Variants in TBRG4 observed in about 807,000 individuals in gnomAD.
The protein encoded by TBRG4 is FAST kinase domain-containing protein 4.
TBRG4 carries 43 observed loss-of-function variants against 65.6 expected under a neutral mutation model. That is an observed-to-expected ratio of 0.66 (90% CI 0.51 to 0.85). The LOEUF is 0.85. Ranked by LOEUF, TBRG4 falls within the 40% of genes least tolerant of loss-of-function variation. The probability of loss-of-function intolerance (pLI) is 0.00; values close to 1 mark genes in which losing one functional copy is unlikely to be tolerated. For missense variants in TBRG4, 709 were observed against 787.9 expected (o/e 0.90, Z 1.20); for synonymous variants, 366 against 341.4 (o/e 1.07, Z -0.79).
chr7:45,104,213 G>A lies in TBRG4; in HGVS notation c.951C>T (p.Ala317=). The change falls in exon 5 of 11, where the codon GCC becomes GCT. Residue 317 remains alanine, a synonymous_variant. Coordinates refer to ENST00000258770, the MANE Select transcript of TBRG4 (RefSeq NM_004749.4). The part of the protein sequence containing the change: ...FHQTQVSQRL[A]TDLLSLMPSL... ...TGGGCATGAGGGATAGCAGGTCGGT[G>A]GCCAGGCGCTGGGACACCTGGGTCT... 1 of 1,614,156 alleles carries A rather than the reference G, an allele frequency of 6.2e-7. No individual in the cohort carries two copies. The highest frequency in any genetic ancestry group is 8.5e-7 in the Non-Finnish European group (1 of 1,180,038).
In TBRG4 at chr7:45,102,028, A is replaced by T; in HGVS notation, c.1364T>A (p.Leu455His). The change falls in exon 8 of 11, where the codon CTC becomes CAC. Residue 455 changes from leucine (L) to histidine (H), a missense_variant. Coordinates refer to ENST00000258770, the MANE Select transcript of TBRG4 (RefSeq NM_004749.4). ...QKDQNTFQKL[L>H]HINATALLEY... The stretch of plus-strand genomic sequence containing the variant: ...CAGCAGGGCAGTGGCGTTGATGTGG[A>T]GCAGCTTCTGGAAGGTGTTCTGATC... The T allele has an allele frequency of 6.4e-7, 1 of 1,565,682 alleles. No homozygotes were observed. Among genetic ancestry groups the T allele is most frequent in the Non-Finnish European group, 8.6e-7 (1 of 1,161,242 alleles).
rs773252475 is a variant in TBRG4, at chr7:45,101,309, G to C, written c.1743C>G (p.Arg581=). Residue 581 remains arginine, a synonymous_variant, in exon 10 of 11, where the codon CGC becomes CGG. Coordinates refer to ENST00000258770, the MANE Select transcript of TBRG4 (RefSeq NM_004749.4). ...CTATGTGTCGCCGGGCCAGAACAAAGCGACCCAGCAAGTCCTTGCTTCGGC... is the reference window on the plus strand; with the variant it reads ...CTATGTGTCGCCGGGCCAGAACAAACCGACCCAGCAAGTCCTTGCTTCGGC... The part of the protein sequence containing the change: ...FNSRSKDLLG[R]FVLARRHIVA... 1 of 1,614,020 alleles carries C rather than the reference G, an allele frequency of 6.2e-7. No homozygotes were observed. The highest frequency in any genetic ancestry group is 2.2e-5 in the East Asian group (1 of 44,892).
At chr7:45,107,476 C>A (rs1055557762) in intron 2 of TBRG4, 1 of 152,208 alleles carries the variant, frequency 6.6e-6, no homozygotes, top group African/African-American at 2.4e-5. Context: ...ACAAGTATGG[C>A]TCTGTCCTTT....
Position 45,101,934 on chromosome 7 carries a change from G to A in TBRG4, c.1458C>T (p.Asp486=), listed in dbSNP as rs574834497. 5.6e-6 allele frequency: 9 copies of A among 1,609,004 alleles called. No homozygotes were observed. In the African/African-American group the frequency reaches 1.2e-4, roughly 22 times the overall value. Residue 486 remains aspartate (D), a synonymous_variant, in exon 8 of 11, where the codon GAC becomes GAT. Coordinates refer to ENST00000258770, the MANE Select transcript of TBRG4 (RefSeq NM_004749.4). ...CCTTTTGCAGGGGGGTCACCTTCCT[G>A]TCAAGGGCTGAGGGCCCAGGGGCCA... ...SAVAPGPSAL[D]RKVTPLQKEL... is the part of the protein sequence containing the mutation.
chr7:45,107,104 C>A (rs1477039278), intron 2 of TBRG4: 2 of 152,084 alleles, frequency 1.3e-5, no homozygotes, highest in Non-Finnish European at 2.9e-5. Flanking sequence ...CTAAGCCCTG[C>A]CCACTCCCAA....
Position 45,100,439 on chromosome 7 carries a change from AG to A in TBRG4, c.1795-14del. The A allele has an allele frequency of 6.2e-7, 1 of 1,606,824 alleles. No homozygotes were observed. The highest frequency in any genetic ancestry group is 1.3e-5 in the African/African-American group (1 of 74,884). On this transcript the variant is annotated splice_polypyrimidine_tract_variant and intron_variant, in intron 10 of 10. Transcript: ENST00000258770. ...CATAGAATGGGACCTAGAAGGAGGC[AG>A]GGGAGACAGGTCACATGGGCAAGGA...
rs778788135 is a variant in TBRG4, at chr7:45,105,472, G to A, written c.704C>T (p.Ser235Leu). 3 of 1,611,876 alleles carry A rather than the reference G, an allele frequency of 1.9e-6. No homozygotes were observed. Among genetic ancestry groups the A allele is most frequent in the African/African-American group, 1.3e-5 (1 of 75,036 alleles). ...TTCCAGGCGGTTCATTAGTGGCTCCGAGAGGTGTCCCACCTTCATCATGAC... is the reference window on the plus strand; with the variant it reads ...TTCCAGGCGGTTCATTAGTGGCTCCAAGAGGTGTCCCACCTTCATCATGAC... Reference protein sequence around the residue: ...VTVMMKVGHLSEPLMNRLEDK... With the variant: ...VTVMMKVGHLLEPLMNRLEDK... Residue 235 changes from serine to leucine, a missense_variant, in exon 3 of 11, where the codon TCG becomes TTG. Ser to Leu is a moderately radical substitution (Grantham distance 145). Coordinates refer to ENST00000258770, the MANE Select transcript of TBRG4 (RefSeq NM_004749.4).
At chr7:45,105,920 T>G in intron 2 of TBRG4, 156 bp from the exon 3 acceptor site, 2 of 977,286 alleles carry the variant, frequency 2.0e-6, no homozygotes, top group Non-Finnish European at 3.2e-6. Flanking sequence ...AGGGCCCCAG[T>G]GCCTGGCTGC....
In TBRG4 at chr7:45,108,590, A is replaced by G. The variant is rs1584034601; in HGVS notation, c.411+237T>C. ...CAGGCTCACTTCCCATGCTTCTATC[A>G]CTATGCGTCTTGGCTGTCTGTAAGA... On this transcript the variant is annotated intron_variant, in intron 2 of 10. Transcript: ENST00000258770. 2.0e-5 allele frequency among the ~76,000 whole-genome samples: 3 copies of G among 152,380 alleles called. No homozygotes were observed. The East Asian group carries it at 5.8e-4, about 29-fold the overall frequency.
At chr7:45,103,494 C>G (rs539378494) in intron 5 of TBRG4, 51 bp from the exon 6 acceptor site, 436,312 of 1,451,358 alleles carry the variant, frequency 0.3, 72,144 homozygotes, top group African/African-American at 0.65. Context: ...CTGCCCAGCA[C>G]GCTGTCCTCC....
At position 45,104,526 on chromosome 7, in the gene TBRG4, C is replaced by G. The variant is rs930501683; in HGVS notation, c.907+12G>C. On this transcript the variant is annotated intron_variant, in intron 4 of 10. Coordinates refer to ENST00000258770, the MANE Select transcript of TBRG4 (RefSeq NM_004749.4). ...GCTCCCCTCTCTCCACCGTTCTGTC[C>G]AAAGGGCTCACCATAGGCATAGGCC... 6 of 1,613,818 alleles carry G rather than the reference C, an allele frequency of 3.7e-6. No homozygotes were observed. The highest frequency in any genetic ancestry group is 5.1e-6 in the Non-Finnish European group (6 of 1,179,982).
At chr7:45,107,206 T>G (rs1410114024) in intron 2 of TBRG4, 1 of 152,244 alleles carries the variant, frequency 6.6e-6, no homozygotes, top group African/African-American at 2.4e-5. Flanking sequence ...TCCTTCTGTG[T>G]GCGTACCCCC....
intron 3 of TBRG4, 43 bp downstream of exon 3, chr7:45,105,398 C>T (rs28393777): frequency 0.035 from 54,847 of 1,555,540 alleles, 2,981 homozygotes; most frequent in African/African-American, 0.25. Context: ...GCCCAAAGCC[C>T]AGGGGAGGCA....
rs193229993 is a variant in TBRG4 at position 45,101,804 on chromosome 7, C to A, written c.1567+21G>T. The A allele has an allele frequency of 4.2e-5, 68 of 1,602,004 alleles. 1 individual carries two copies. In the Admixed American group the frequency reaches 8.4e-4, roughly 20 times the overall value. On this transcript the variant is annotated intron_variant, in intron 8 of 10. Coordinates refer to ENST00000258770, the MANE Select transcript of TBRG4 (RefSeq NM_004749.4). Reference sequence around the variant, plus strand: ...GACTCAGGCAATGCCAGGCCCTGTGCCAACCAGGGGGAGCCCTCACCCAGC... The same window carrying A: ...GACTCAGGCAATGCCAGGCCCTGTGACAACCAGGGGGAGCCCTCACCCAGC...
At chr7:45,100,698 G>T (rs1322587625) in intron 10 of TBRG4, among the ~76,000 whole-genome samples, 1 of 152,218 alleles carries the variant, frequency 6.6e-6, no homozygotes, top group Non-Finnish European at 1.5e-5. Flanking sequence ...ATTTTAAACA[G>T]TTAAAAAACT....
chr7:45,111,552 C>T, intron 1 of TBRG4, 91 bp downstream of exon 1: 1 of 1,267,606 alleles, frequency 7.9e-7, no homozygotes, highest in South Asian at 1.2e-5. Context: ...TCCCCAGTTC[C>T]ACCGCATCCC....
At chr7:45,105,294 T>C (rs1240134048) in intron 3 of TBRG4, 147 bp downstream of exon 3, 3 of 885,810 alleles carry the variant, frequency 3.4e-6, no homozygotes, top group Non-Finnish European at 5.1e-6. Context: ...TCCTGCCCCA[T>C]GTGATGCCTG....
rs1784775771 is a variant in TBRG4 at position 45,101,877 on chromosome 7, C to T, written c.1515G>A (p.Gly505=). The change falls in exon 8 of 11, where the codon GGG becomes GGA. Residue 505 remains glycine, a synonymous_variant. Coordinates refer to ENST00000258770, the MANE Select transcript of TBRG4 (RefSeq NM_004749.4). The part of the protein sequence containing the change: ...ELQETLKGLL[G]SADKGSLEVA... ...CCTCGAGGCTGCCCTTGTCGGCGCT[C>T]CCCAGCAGCCCCTTCAGCGTCTCCT... is the stretch of plus-strand genomic sequence containing the variant. The T allele has an allele frequency of 1.2e-6, 2 of 1,610,366 alleles. No individual in the cohort carries two copies. The highest frequency in any genetic ancestry group is 1.1e-5 in the South Asian group (1 of 91,036).
At chr7:45,100,481 G>A in intron 10 of TBRG4, 55 bp from the exon 11 acceptor site, 2 of 1,454,376 alleles carry the variant, frequency 1.4e-6, no homozygotes, top group South Asian at 2.3e-5. Flanking sequence ...CTTCCAGCCA[G>A]TGGCTCTGCC....
Sources: gnomAD v4.1 joint callset for allele counts (sites outside exome capture counted in the v4.1 genomes callset) on GRCh38, gnomAD v4.1.1 for gene constraint, MANE v1.5 for transcripts, NCBI Gene and HGNC (gene_info 2026-07-23, HGNC 2026-07-21) for gene names.